The following DCC variants were observed in gnomAD, a reference collection of about 807,000 sequenced individuals.
The protein encoded by DCC is DCC netrin 1 receptor.
In DCC, 58 loss-of-function variants were observed where a neutral mutation model predicts 172.5. The observed-to-expected ratio is 0.34, with a 90% CI of 0.27 to 0.42. DCC has a LOEUF of 0.42. Ranked by LOEUF, DCC falls within the 10% of genes least tolerant of loss-of-function variation. DCC has a pLI of 1.00. For missense variants in DCC, 1,740 were observed against 1,791.0 expected, an observed-to-expected ratio of 0.97 and a Z score of 0.51; for synonymous variants, 709 against 644.5, an observed-to-expected ratio of 1.10 and a Z score of -1.52.
chr18:53,071,805 T>C (rs1045815077), intron 7 of DCC, among the ~76,000 whole-genome samples: 2 of 152,108 alleles, frequency 1.3e-5, no homozygotes, highest in African/African-American at 2.4e-5. Context: ...TACTATTCAG[T>C]GAATAGTCTA....
At chr18:52,973,660 C>T (rs1306309106) in intron 5 of DCC, among the ~76,000 whole-genome samples, 2 of 152,262 alleles carry the variant, frequency 1.3e-5, no homozygotes, top group East Asian at 1.9e-4. Flanking sequence ...TAGTGATCTG[C>T]AGACTGACTT....
chr18:52,611,139 C>A (rs184782007), intron 1 of DCC, among the ~76,000 whole-genome samples: 29 of 152,256 alleles, frequency 1.9e-4, no homozygotes, highest in East Asian at 1.7e-3. Context: ...GTGACCCCCC[C>A]CTCCTGACAA....
chr18:53,522,549 T>C (rs73462969), intron 27 of DCC, among the ~76,000 whole-genome samples: 8,381 of 152,252 alleles, frequency 0.055, 686 homozygotes, highest in African/African-American at 0.17. Flanking sequence ...CAAATCAGCA[T>C]GGTACTGGTA....
At chr18:52,992,466 C>T (rs761065752) in intron 5 of DCC, among the ~76,000 whole-genome samples, 2 of 152,072 alleles carry the variant, frequency 1.3e-5, no homozygotes, top group Non-Finnish European at 2.9e-5. Flanking sequence ...GTATAAGTGA[C>T]CTCTGAGTCT....
At chr18:53,303,760 A>G (rs1279223430) in intron 12 of DCC, among the ~76,000 whole-genome samples, 2 of 152,284 alleles carry the variant, frequency 1.3e-5, no homozygotes, top group East Asian at 3.9e-4. Context: ...TGAGTGTGCT[A>G]CAGTGCTCTT....
At chr18:52,631,367 A>G (rs2034672922) in intron 1 of DCC, among the ~76,000 whole-genome samples, 1 of 152,236 alleles carries the variant, frequency 6.6e-6, no homozygotes, top group Non-Finnish European at 1.5e-5. Context: ...ATAAAATGGG[A>G]TATTTCAATA....
At chr18:53,035,624 A>C (rs2042082511) in intron 5 of DCC, among the ~76,000 whole-genome samples, 1 of 152,140 alleles carries the variant, frequency 6.6e-6, no homozygotes, top group African/African-American at 2.4e-5. Context: ...CGCTTGCTTA[A>C]AGAGGAACAT....
rs145595914 is a variant in DCC, at chr18:53,496,598, C to G, written c.3899-2700C>G. 2.2e-4 allele frequency among the ~76,000 whole-genome samples: 34 copies of G among 152,248 alleles called. No individual in the cohort carries two copies. In the East Asian group the frequency reaches 6.6e-3, roughly 29 times the overall value. ...TCACCAGCATGGGAACAAAACTGGA[C>G]AGAGAATGAGTCTGATGAATTGACA... is the stretch of plus-strand genomic sequence containing the variant. On this transcript the variant is annotated intron_variant, in intron 26 of 28. Transcript: ENST00000442544.
intron 13 of DCC, among the ~76,000 whole-genome samples, chr18:53,310,991 G>GACACACACACAAACACACACAC (rs1555650731): frequency 1.4e-5 from 2 of 145,722 alleles, no homozygotes; most frequent in Non-Finnish European, 3.0e-5. Flanking sequence ...AAGCATCTAG[G>GACACACACACAAACACACACAC]ACACACACAC....
At chr18:52,823,908 G>C (rs554902104) in intron 2 of DCC, among the ~76,000 whole-genome samples, 4 of 152,328 alleles carry the variant, frequency 2.6e-5, no homozygotes, top group African/African-American at 7.2e-5. Flanking sequence ...TCTAGGACTA[G>C]AGAAGGTGTA....
chr18:53,468,367 A>ATTTATTTTATTTC (rs1568151593), intron 25 of DCC, among the ~76,000 whole-genome samples: 1 of 129,560 alleles, frequency 7.7e-6, no homozygotes, highest in African/African-American at 2.8e-5. Context: ...TATTTATTTT[A>ATTTATTTTATTTC]TTTATTTATT....
chr18:52,975,098 C>T (rs1400177558), intron 5 of DCC, among the ~76,000 whole-genome samples: 1 of 152,082 alleles, frequency 6.6e-6, no homozygotes, highest in Admixed American at 6.6e-5. Flanking sequence ...GAAAAAAGTC[C>T]ACTTCATATT....
chr18:53,473,133 A>G (rs528753005), intron 25 of DCC, among the ~76,000 whole-genome samples: 1 of 152,294 alleles, frequency 6.6e-6, no homozygotes, highest in East Asian at 1.9e-4. Context: ...TCTAGAAATA[A>G]TGACTCCCTT....
chr18:52,836,708 A>G (rs149902652), intron 2 of DCC, among the ~76,000 whole-genome samples: 3 of 152,238 alleles, frequency 2.0e-5, no homozygotes, highest in Admixed American at 6.5e-5. Context: ...GGCTGCTTTC[A>G]TGGGCTGGCA....
At chr18:52,358,132 A>C (rs1248550047) in intron 1 of DCC, among the ~76,000 whole-genome samples, 1 of 152,154 alleles carries the variant, frequency 6.6e-6, no homozygotes, top group Non-Finnish European at 1.5e-5. Context: ...GACAAACCCC[A>C]TTTGAGATTC....
chr18:52,701,360 G>A (rs1313858962), intron 1 of DCC, among the ~76,000 whole-genome samples: 1 of 152,156 alleles, frequency 6.6e-6, no homozygotes, highest in Non-Finnish European at 1.5e-5. Context: ...ATAGCTTGGG[G>A]CTTCTTTTCC....
rs1250649683 is a variant in DCC, at chr18:53,088,696, G to A, written c.1261+22530G>A. Among the ~76,000 whole-genome samples, 3 of 152,048 alleles carry A rather than the reference G, an allele frequency of 2.0e-5. No individual in the cohort carries two copies. The East Asian group carries it at 5.8e-4, about 29-fold the overall frequency. The stretch of plus-strand genomic sequence containing the variant: ...GACTAATAAAGAAAAAAAGAGAGAA[G>A]AATCAAATAGACGCAATAAAAAATG... On this transcript the variant is annotated intron_variant, in intron 7 of 28. Coordinates refer to ENST00000442544, the MANE Select transcript of DCC (RefSeq NM_005215.4).
At chr18:52,373,161 C>T (rs1985197516) in intron 1 of DCC, among the ~76,000 whole-genome samples, 1 of 152,138 alleles carries the variant, frequency 6.6e-6, no homozygotes, top group Non-Finnish European at 1.5e-5. Flanking sequence ...TTAGTAGAAG[C>T]ATCAACCCCA....
In DCC at chr18:52,984,864, A is replaced by T. The variant is rs185701494; in HGVS notation, c.985+59494A>T. 2.2e-3 allele frequency among the ~76,000 whole-genome samples: 342 copies of T among 152,156 alleles called. 1 individual carries two copies. The highest frequency in any genetic ancestry group is 7.8e-3 in the African/African-American group (324 of 41,550). On this transcript the variant is annotated intron_variant, in intron 5 of 28. Transcript: ENST00000442544. ...ATTATCTACTTTTAGCCACCAAAAC[A>T]TATCTTAATTTTCTTTATTATTTGA...
Sources: allele counts gnomAD v4.1 joint callset (sites outside exome capture counted in the v4.1 genomes callset), GRCh38; gene constraint gnomAD v4.1.1; transcripts MANE v1.5; gene names NCBI Gene and HGNC (gene_info 2026-07-23, HGNC 2026-07-21).